The following ANO10 variants were observed in gnomAD, a reference collection of about 807,000 sequenced individuals.
ANO10 encodes anoctamin-10.
In ANO10, 77 loss-of-function variants were observed where a neutral mutation model predicts 74.7. The observed-to-expected ratio is 1.03, with a 90% confidence interval of 0.86 to 1.25. ANO10 has a LOEUF of 1.25. Among genes scored for constraint, ANO10 ranks in the 50% most tolerant of loss-of-function variants. The pLI is 0.00. For synonymous variants in ANO10, 279 were observed against 284.9 expected (o/e 0.98, Z 0.21); for missense variants, 721 against 778.1 (o/e 0.93, Z 0.87).
At chr3:43,689,586 G>A (rs544738964) in intron 1 of ANO10, 1 of 152,294 alleles carries the variant, frequency 6.6e-6, no homozygotes, top group South Asian at 2.1e-4. Flanking sequence ...GATTATAAGT[G>A]GCTTTCCCCC....
chr3:43,566,541 C>G (rs1438610158), intron 7 of ANO10, among the ~76,000 whole-genome samples: 2 of 152,232 alleles, frequency 1.3e-5, no homozygotes, highest in Non-Finnish European at 2.9e-5. Flanking sequence ...GACCCCCGAG[C>G]AGCCTAACTG....
chr3:43,563,308 C>T (rs1173319730), intron 8 of ANO10, among the ~76,000 whole-genome samples: 1 of 151,800 alleles, frequency 6.6e-6, no homozygotes, highest in Non-Finnish European at 1.5e-5. Context: ...TTAAAAAGAC[C>T]CAAAAAATCC....
At chr3:43,635,080 G>A (rs1408055777) in intron 1 of ANO10, among the ~76,000 whole-genome samples, 3 of 150,810 alleles carry the variant, frequency 2.0e-5, no homozygotes. Context: ...GGGAGGGAGG[G>A]GTCATTGATG....
Position 43,605,883 on chromosome 3 carries a change from A to G in ANO10, c.-11-20T>C. 1 of 1,611,420 alleles carries G rather than the reference A, an allele frequency of 6.2e-7. No individual in the cohort carries two copies. The highest frequency in any genetic ancestry group is 1.3e-5 in the African/African-American group (1 of 74,988). ...ACAAATCTGCGGAAAATTAAAATAA[A>G]GAGTGAAAATGGGTTGTTATTATGG... is the stretch of plus-strand genomic sequence containing the variant. On this transcript the variant is annotated intron_variant, in intron 1 of 12. Transcript: ENST00000292246.
chr3:43,511,544 CAG>C lies in ANO10; in HGVS notation c.1797+38174_1797+38175del, dbSNP rs528662482. Among the ~76,000 whole-genome samples, 553 of 152,254 alleles carry C rather than the reference CAG, an allele frequency of 3.6e-3. 2 individuals carry two copies. The highest frequency in any genetic ancestry group is 6.0e-3 in the Non-Finnish European group (410 of 68,012). On this transcript the variant is annotated intron_variant, in intron 11 of 12. Coordinates refer to ENST00000292246, the MANE Select transcript of ANO10 (RefSeq NM_018075.5). ...CGTGTAAATCATGACTGTGGATAAA[CAG>C]AGTCAAGCAGAGCCCATTCGTTTGT... is the stretch of plus-strand genomic sequence containing the variant.
At chr3:43,578,061 G>A (rs1186398899) in intron 5 of ANO10, among the ~76,000 whole-genome samples, 1 of 151,952 alleles carries the variant, frequency 6.6e-6, no homozygotes, top group Non-Finnish European at 1.5e-5. Context: ...TGTGACAGTT[G>A]GTGTTATTAT....
chr3:43,568,952 GAAAA>G (rs2080533760), intron 7 of ANO10, among the ~76,000 whole-genome samples: 1 of 143,324 alleles, frequency 7.0e-6, no homozygotes, highest in Middle Eastern at 3.6e-3. Context: ...GACTAATAAA[GAAAA>G]AAAGAGAGAA....
intron 11 of ANO10, among the ~76,000 whole-genome samples, chr3:43,521,974 G>A (rs2077977004): frequency 1.3e-5 from 2 of 152,116 alleles, no homozygotes; most frequent in South Asian, 2.1e-4. Context: ...AAAGGAATGA[G>A]GTTCTGATAC....
intron 12 of ANO10, among the ~76,000 whole-genome samples, chr3:43,392,176 T>A (rs111511526): frequency 3.4e-4 from 51 of 150,166 alleles, no homozygotes; most frequent in African/African-American, 5.9e-4. Context: ...TAAAAAAAAA[T>A]TTTATTGTTA....
In ANO10 at chr3:43,576,954, C is replaced by A. The variant is rs768594040; in HGVS notation, c.900G>T (p.Lys300Asn). 1.2e-6 allele frequency: 2 copies of A among 1,614,034 alleles called. No homozygotes were observed. Among genetic ancestry groups the A allele is most frequent in the East Asian group, 4.5e-5 (2 of 44,878 alleles). ...TGTAGCTGGGGTACAGAGGCTCCTCCTTCCCAGTGATGGAATTGATACCCA... is the reference window on the plus strand; with the variant it reads ...TGTAGCTGGGGTACAGAGGCTCCTCATTCCCAGTGATGGAATTGATACCCA... Reference protein sequence around the residue: ...GVLGINSITGKEEPLYPSYKR... With the variant: ...GVLGINSITGNEEPLYPSYKR... Residue 300 changes from lysine (K) to asparagine (N), a missense_variant, in exon 6 of 13, where the codon AAG becomes AAT. Physicochemically the swap from Lys to Asn is moderately conservative, Grantham distance 94. Coordinates refer to ENST00000292246, the MANE Select transcript of ANO10 (RefSeq NM_018075.5).
At chr3:43,389,815 T>C (rs1415147472) in intron 12 of ANO10, among the ~76,000 whole-genome samples, 1 of 152,172 alleles carries the variant, frequency 6.6e-6, no homozygotes. Context: ...ACTTCCTCAG[T>C]GCCCTCGGAA....
At chr3:43,538,299 A>G (rs2078805926) in intron 11 of ANO10, among the ~76,000 whole-genome samples, 1 of 152,232 alleles carries the variant, frequency 6.6e-6, no homozygotes, top group African/African-American at 2.4e-5. Flanking sequence ...TATGAATTTA[A>G]GAACAGCATT....
At chr3:43,389,523 C>T (rs1575635829) in intron 12 of ANO10, among the ~76,000 whole-genome samples, 1 of 152,138 alleles carries the variant, frequency 6.6e-6, no homozygotes, top group South Asian at 2.1e-4. Context: ...CCAATATTTC[C>T]GTAAGTCATT....
chr3:43,659,650 A>G (rs2083899012), intron 1 of ANO10, among the ~76,000 whole-genome samples: 1 of 152,252 alleles, frequency 6.6e-6, no homozygotes, highest in Admixed American at 6.5e-5. Flanking sequence ...GGGGCAGGGC[A>G]TATCTGAACA....
At chr3:43,484,087 C>T (rs1468499556) in intron 11 of ANO10, among the ~76,000 whole-genome samples, 1 of 152,026 alleles carries the variant, frequency 6.6e-6, no homozygotes, top group Non-Finnish European at 1.5e-5. Context: ...AGGCACACAC[C>T]ACTATGCCTG....
chr3:43,485,288 G>A (rs1397047093), intron 11 of ANO10: 8 of 588,474 alleles, frequency 1.4e-5, no homozygotes, highest in Non-Finnish European at 2.5e-5. Context: ...TGCCACCGTC[G>A]CAGACCCGCT....
At chr3:43,518,083 A>T (rs2077788310) in intron 11 of ANO10, among the ~76,000 whole-genome samples, 1 of 152,158 alleles carries the variant, frequency 6.6e-6, no homozygotes, top group Non-Finnish European at 1.5e-5. Context: ...GAGTGAGGGG[A>T]ATAATACAGA....
At chr3:43,565,306 G>A (rs1418371716) in intron 8 of ANO10, among the ~76,000 whole-genome samples, 1 of 152,106 alleles carries the variant, frequency 6.6e-6, no homozygotes, top group Non-Finnish European at 1.5e-5. Flanking sequence ...AAATTTGCGA[G>A]ACCTAAGGTT....
chr3:43,528,198 G>GA, intron 11 of ANO10, among the ~76,000 whole-genome samples: 1 of 106,476 alleles, frequency 9.4e-6, no homozygotes, highest in Non-Finnish European at 2.2e-5. Flanking sequence ...ATTTCAAAAT[G>GA]AAAAAAACGA....
Sources: gnomAD v4.1 joint callset for allele counts (sites outside exome capture counted in the v4.1 genomes callset) on GRCh38, gnomAD v4.1.1 for gene constraint, MANE v1.5 for transcripts, NCBI Gene and HGNC (gene_info 2026-07-23, HGNC 2026-07-21) for gene names.